Variants in CTNNA2 observed in about 807,000 individuals in gnomAD.
CTNNA2 encodes catenin alpha 2.
CTNNA2 carries 42 observed loss-of-function variants against 101.0 expected under a neutral mutation model. That is an observed-to-expected ratio of 0.42 (90% CI 0.32 to 0.54). The LOEUF (loss-of-function observed/expected upper bound fraction) is 0.54, where lower values mean the gene tolerates loss of function less well. Among genes scored for constraint, CTNNA2 ranks in the 20% least tolerant of loss-of-function variants. CTNNA2 has a pLI of 0.14. For synonymous variants in CTNNA2, 450 were observed against 456.4 expected (o/e 0.99, Z 0.18); for missense variants, 871 against 1,223.1 (o/e 0.71, Z 4.29).
At chr2:79,913,155 T>C (rs1359098443) in intron 7 of CTNNA2, among the ~76,000 whole-genome samples, 1 of 152,262 alleles carries the variant, frequency 6.6e-6, no homozygotes, top group African/African-American at 2.4e-5. Flanking sequence ...CAGATAGTGA[T>C]ATATGCAAAG....
At chr2:79,703,170 C>T (rs1230464160) in intron 2 of CTNNA2, among the ~76,000 whole-genome samples, 2 of 152,172 alleles carry the variant, frequency 1.3e-5, no homozygotes, top group Non-Finnish European at 2.9e-5. Flanking sequence ...AGGCTTTTTT[C>T]TGCTACATTT....
intron 8 of CTNNA2, among the ~76,000 whole-genome samples, chr2:80,413,374 T>C (rs1679761256): frequency 6.6e-6 from 1 of 152,200 alleles, no homozygotes; most frequent in Non-Finnish European, 1.5e-5. Context: ...TTCATCAAGA[T>C]AATGACCAGA....
At chr2:79,600,484 G>A (rs1335009953) in intron 1 of CTNNA2, among the ~76,000 whole-genome samples, 2 of 151,966 alleles carry the variant, frequency 1.3e-5, no homozygotes, top group Non-Finnish European at 2.9e-5. Context: ...GCCACCCCTT[G>A]GTTGTTAAAA....
At chr2:80,315,189 C>G (rs1558998501) in intron 7 of CTNNA2, among the ~76,000 whole-genome samples, 1 of 152,126 alleles carries the variant, frequency 6.6e-6, no homozygotes, top group Non-Finnish European at 1.5e-5. Flanking sequence ...TGCCCAGTAT[C>G]TCAGACTTTT....
chr2:80,047,598 G>T (rs1696613663), intron 7 of CTNNA2, among the ~76,000 whole-genome samples: 1 of 152,134 alleles, frequency 6.6e-6, no homozygotes, highest in South Asian at 2.1e-4. Flanking sequence ...GCCTACATGG[G>T]CTCAGTGTCT....
At chr2:80,051,694 T>C (rs1263467172) in intron 7 of CTNNA2, among the ~76,000 whole-genome samples, 1 of 152,076 alleles carries the variant, frequency 6.6e-6, no homozygotes, top group Non-Finnish European at 1.5e-5. Context: ...AGGAACTCTT[T>C]TTCCCCCCCA....
At chr2:79,684,235 C>A (rs148482080) in intron 2 of CTNNA2, among the ~76,000 whole-genome samples, 202 of 152,262 alleles carry the variant, frequency 1.3e-3, no homozygotes, top group African/African-American at 4.7e-3. Context: ...AATAAAAGTT[C>A]ATGAAATATC....
intron 7 of CTNNA2, among the ~76,000 whole-genome samples, chr2:80,166,923 C>T (rs907189335): frequency 4.6e-5 from 7 of 151,378 alleles, no homozygotes; most frequent in African/African-American, 1.5e-4. Flanking sequence ...TTTTTTTTGT[C>T]TGTGCCGTCA....
At chr2:80,497,448 C>A (rs541222914) in intron 9 of CTNNA2, among the ~76,000 whole-genome samples, 1 of 152,312 alleles carries the variant, frequency 6.6e-6, no homozygotes, top group South Asian at 2.1e-4. Context: ...TTAAGACCTA[C>A]ACTAAACACT....
Position 79,744,602 on chromosome 2 carries a change from T to G in CTNNA2, c.298+20T>G. ...AACAAGGTAGGCAGAATGATATTAT[T>G]GTTCAAGGCGGATCTATACTGATGT... is the stretch of plus-strand genomic sequence containing the variant. On this transcript the variant is annotated intron_variant, in intron 3 of 18. Transcript: ENST00000402739. 1.2e-6 allele frequency: 2 copies of G among 1,609,092 alleles called. No individual in the cohort carries two copies. Among genetic ancestry groups the G allele is most frequent in the Non-Finnish European group, 1.7e-6 (2 of 1,177,028 alleles).
intron 7 of CTNNA2, among the ~76,000 whole-genome samples, chr2:80,115,855 C>T (rs371229470): frequency 4.6e-5 from 7 of 152,098 alleles, no homozygotes; most frequent in African/African-American, 1.7e-4. Context: ...ACCTGTTGAC[C>T]AGGGTTTAGG....
intron 2 of CTNNA2, among the ~76,000 whole-genome samples, chr2:79,260,255 C>T (rs1454952283): frequency 6.6e-6 from 1 of 152,098 alleles, no homozygotes; most frequent in Non-Finnish European, 1.5e-5. Context: ...CTCCCACGGT[C>T]TCTCTCCCAC....
At chr2:80,322,752 T>C (rs1307842211) in intron 7 of CTNNA2, among the ~76,000 whole-genome samples, 1 of 150,734 alleles carries the variant, frequency 6.6e-6, no homozygotes, top group Non-Finnish European at 1.5e-5. Context: ...TCACTCAGCA[T>C]GTGAGAGAGA....
At chr2:79,908,141 C>A (rs1685548629) in intron 6 of CTNNA2, among the ~76,000 whole-genome samples, 1 of 152,128 alleles carries the variant, frequency 6.6e-6, no homozygotes, top group Non-Finnish European at 1.5e-5. Flanking sequence ...ATAAAAAATC[C>A]ATAAAAGCAT....
At chr2:79,877,406 C>T (rs1683109671) in intron 6 of CTNNA2, among the ~76,000 whole-genome samples, 1 of 152,160 alleles carries the variant, frequency 6.6e-6, no homozygotes. Flanking sequence ...TTTTCCATCA[C>T]TTCTGACATC....
At chr2:79,243,093 C>T (rs1165342177) in intron 2 of CTNNA2, among the ~76,000 whole-genome samples, 1 of 151,386 alleles carries the variant, frequency 6.6e-6, no homozygotes, top group African/African-American at 2.4e-5. Flanking sequence ...TATTGTCTAC[C>T]TTACCCAAAA....
intron 7 of CTNNA2, among the ~76,000 whole-genome samples, chr2:80,365,518 A>G (rs1674835575): frequency 6.6e-6 from 1 of 151,178 alleles, no homozygotes; most frequent in African/African-American, 2.4e-5. Flanking sequence ...ATATTTTTAC[A>G]TTTTAGCAAA....
Position 80,005,530 on chromosome 2 carries a change from A to G in CTNNA2, c.1056+95733A>G, listed in dbSNP as rs974299977. Among the ~76,000 whole-genome samples, 22 of 152,320 alleles carry G rather than the reference A, an allele frequency of 1.4e-4. 1 individual carries two copies. The highest frequency in any genetic ancestry group is 1.1e-3 in the Admixed American group (17 of 15,294). On this transcript the variant is annotated intron_variant, in intron 7 of 18. Coordinates refer to ENST00000402739, the MANE Select transcript of CTNNA2 (RefSeq NM_001282597.3). ...ATTTGTTTCACTCACCTGCTATGGT[A>G]GAAATCTTGGTTTTGGCACTTAATG...
At chr2:80,100,645 G>A (rs1700484416) in intron 7 of CTNNA2, among the ~76,000 whole-genome samples, 1 of 152,136 alleles carries the variant, frequency 6.6e-6, no homozygotes, top group Admixed American at 6.5e-5. Context: ...AGGTAAGAGG[G>A]GTCTTTGAAA....
Sources: allele counts gnomAD v4.1 joint callset (sites outside exome capture counted in the v4.1 genomes callset), GRCh38; gene constraint gnomAD v4.1.1; transcripts MANE v1.5; gene names NCBI Gene and HGNC (gene_info 2026-07-23, HGNC 2026-07-21).